DHX32: variants seen among roughly 807,000 people sequenced by gnomAD.
DHX32 encodes putative pre-mRNA-splicing factor ATP-dependent RNA helicase DHX32.
A neutral mutation model predicts 70.0 loss-of-function variants in DHX32; 51 were observed. The observed-to-expected ratio is 0.73, with a 90% confidence interval of 0.58 to 0.92. The LOEUF (loss-of-function observed/expected upper bound fraction) is 0.92, where lower values mean the gene tolerates loss of function less well. Among genes scored for constraint, DHX32 ranks in the 40% least tolerant of loss-of-function variants. The pLI, the probability that DHX32 is intolerant of heterozygous loss-of-function variation, is 0.00. For synonymous variants in DHX32, 310 were observed against 315.3 expected (o/e 0.98, Z 0.18); for missense variants, 762 against 891.8 (o/e 0.85, Z 1.85).
At chr10:125,838,037 T>A (rs945446918) in intron 10 of DHX32, among the ~76,000 whole-genome samples, 169 bp downstream of exon 10, 10 of 152,218 alleles carry the variant, frequency 6.6e-5, no homozygotes, top group Non-Finnish European at 1.3e-4. Flanking sequence ...GGCAGGGACA[T>A]TTCTTAGGTA....
chr10:125,886,218 T>C (rs1944340311), upstream of DHX32, among the ~76,000 whole-genome samples: 1 of 152,280 alleles, frequency 6.6e-6, no homozygotes, highest in Non-Finnish European at 1.5e-5. Flanking sequence ...CCTTGCTGCA[T>C]AAAGGTCGTT....
intron 6 of DHX32, among the ~76,000 whole-genome samples, chr10:125,848,498 T>C (rs1211007828): frequency 6.6e-6 from 1 of 152,086 alleles, no homozygotes; most frequent in Non-Finnish European, 1.5e-5. Context: ...ATATGTAAAG[T>C]GAGGTTTTGA....
At chr10:125,865,483 A>T (rs1166282371) in intron 2 of DHX32, among the ~76,000 whole-genome samples, 3 of 152,168 alleles carry the variant, frequency 2.0e-5, no homozygotes, top group African/African-American at 4.8e-5. Context: ...ACTTTTGAAG[A>T]TAAACGTTTG....
intron 1 of DHX32, among the ~76,000 whole-genome samples, chr10:125,888,018 A>C (rs1384667809): frequency 6.6e-6 from 1 of 152,136 alleles, no homozygotes; most frequent in Non-Finnish European, 1.5e-5. Context: ...TTTTTCCCTA[A>C]GCCCACTCAA....
Position 125,859,861 on chromosome 10 carries a change from T to C in DHX32, c.591A>G (p.Leu197=), listed in dbSNP as rs1436229796. ...GTAAAACATCTTTAAGAAGTCCAAG[T>C]AACACATCAGTTGCAATGCTTCTTT... ...IHERSIATDV[L]LGLLKDVLLA... Residue 197 remains leucine (L), a synonymous_variant, in exon 3 of 11, where the codon TTA becomes TTG. Coordinates refer to ENST00000284690, the MANE Select transcript of DHX32 (RefSeq NM_018180.3). The C allele has an allele frequency of 1.9e-6, 3 of 1,613,988 alleles. No homozygotes were observed. The highest frequency in any genetic ancestry group is 2.2e-5 in the South Asian group (2 of 91,080).
chr10:125,855,208 G>T (rs573662962), intron 3 of DHX32, among the ~76,000 whole-genome samples: 3 of 147,890 alleles, frequency 2.0e-5, no homozygotes, highest in Non-Finnish European at 4.5e-5. Context: ...GCAACAGAGT[G>T]AGACTCCGTC....
At chr10:125,865,985 C>G (rs757419267) in intron 2 of DHX32, among the ~76,000 whole-genome samples, 19 of 152,226 alleles carry the variant, frequency 1.2e-4, no homozygotes, top group Non-Finnish European at 2.6e-4. Context: ...CATCCCTGCC[C>G]TGTTACAGAA....
At chr10:125,856,651 T>TA (rs1311518266) in intron 3 of DHX32, among the ~76,000 whole-genome samples, 19 of 151,996 alleles carry the variant, frequency 1.3e-4, no homozygotes, top group African/African-American at 4.1e-4. Context: ...CTTCTTAATA[T>TA]AAAAAATGGC....
At chr10:125,842,266 C>T (rs988825430) in intron 6 of DHX32, 3 of 273,402 alleles carry the variant, frequency 1.1e-5, no homozygotes, top group Admixed American at 5.6e-5. Flanking sequence ...CCGGAACTCG[C>T]GGTCACAGTA....
chr10:125,870,657 C>T (rs1452482513), intron 1 of DHX32, among the ~76,000 whole-genome samples: 1 of 151,792 alleles, frequency 6.6e-6, no homozygotes, highest in South Asian at 2.1e-4. Flanking sequence ...GCCAACGTGA[C>T]GAAACCCCAT....
In DHX32 at chr10:125,876,709, G is replaced by A. The variant is rs559809218; in HGVS notation, c.282+3834C>T. Among the ~76,000 whole-genome samples, 5 of 152,246 alleles carry A rather than the reference G, an allele frequency of 3.3e-5. No individual in the cohort carries two copies. In the East Asian group the frequency reaches 9.6e-4, roughly 29 times the overall value. Reference sequence around the variant, plus strand: ...TATATAACCTGTGCTCTTCAAAAATGTCAAAGTCATAAAGGACAGGGAGAG... The same window carrying A: ...TATATAACCTGTGCTCTTCAAAAATATCAAAGTCATAAAGGACAGGGAGAG... On this transcript the variant is annotated intron_variant, in intron 1 of 10. Coordinates refer to ENST00000284690, the MANE Select transcript of DHX32 (RefSeq NM_018180.3).
At chr10:125,853,313 A>T (rs1266308609) in intron 4 of DHX32, 1 of 849,688 alleles carries the variant, frequency 1.2e-6, no homozygotes. Flanking sequence ...TAGTAATGGT[A>T]AATTAGTCAA....
chr10:125,870,464 T>A (rs1384124175), intron 1 of DHX32, among the ~76,000 whole-genome samples: 1 of 152,154 alleles, frequency 6.6e-6, no homozygotes, highest in African/African-American at 2.4e-5. Flanking sequence ...TGCCACTACA[T>A]CACAGTTGCT....
chr10:125,885,256 G>A (rs1433565240), upstream of DHX32, among the ~76,000 whole-genome samples: 1 of 152,092 alleles, frequency 6.6e-6, no homozygotes, highest in Non-Finnish European at 1.5e-5. Flanking sequence ...TTCGACTGAT[G>A]TGGTATGTAG....
intron 3 of DHX32, among the ~76,000 whole-genome samples, chr10:125,855,183 C>T (rs555528008): frequency 1.3e-5 from 2 of 150,096 alleles, no homozygotes; most frequent in Admixed American, 6.7e-5. Flanking sequence ...GATCGTGCCA[C>T]TGCACTCCAG....
chr10:125,840,054 A>C (rs1460424847), intron 8 of DHX32, among the ~76,000 whole-genome samples: 1 of 152,162 alleles, frequency 6.6e-6, no homozygotes. Context: ...TATTTTTCAC[A>C]CTACTTCACA....
Position 125,838,107 on chromosome 10 carries a change from A to G in DHX32, c.2063+99T>C, listed in dbSNP as rs1854754863. ...CAACGTAAATTAAGATTGCATCAGT[A>G]TAAACTTTAGAACTAAGAATAAAAG... is the stretch of plus-strand genomic sequence containing the variant. On this transcript the variant is annotated intron_variant, in intron 10 of 10. Transcript: ENST00000284690. 3.4e-6 allele frequency: 4 copies of G among 1,170,612 alleles called. No homozygotes were observed. The East Asian group carries it at 9.6e-5, about 28-fold the overall frequency. 72.5% of individuals were successfully genotyped at this position (1,170,612 alleles called of 1,614,324 possible).
At position 125,859,644 on chromosome 10, in the gene DHX32, C is replaced by T. The variant is rs778903589; in HGVS notation, c.808G>A (p.Gly270Ser). 1 of 1,607,288 alleles carries T rather than the reference C, an allele frequency of 6.2e-7. No homozygotes were observed. Among genetic ancestry groups the T allele is most frequent in the Non-Finnish European group, 8.5e-7 (1 of 1,177,394 alleles). ...LRLIFEIHHS[G>S]EKGDIVVFLA... ...AAGACTACAATGTCACCTTTCTCAC[C>T]CGAGTGGTGAATTTCAAAGATAAGG... The change falls in exon 3 of 11, where the codon GGT (glycine) becomes AGT (serine). Residue 270 changes from glycine (G) to serine (S), a missense_variant. Transcript: ENST00000284690.
At chr10:125,839,467 T>C (rs1391941490) in intron 8 of DHX32, among the ~76,000 whole-genome samples, 2 of 152,182 alleles carry the variant, frequency 1.3e-5, no homozygotes, top group African/African-American at 4.8e-5. Context: ...TTCCTAGTGG[T>C]GACTGAAGAT....
Sources: allele counts gnomAD v4.1 joint callset (sites outside exome capture counted in the v4.1 genomes callset), GRCh38; gene constraint gnomAD v4.1.1; transcripts MANE v1.5; gene names NCBI Gene and HGNC (gene_info 2026-07-23, HGNC 2026-07-21).